Variants in TAF8 observed in about 807,000 individuals in gnomAD.
The protein encoded by TAF8 is TATA-box binding protein associated factor 8.
In TAF8, 47 loss-of-function variants were observed where a neutral mutation model predicts 36.5. That is an observed-to-expected ratio of 1.29 (90% CI 1.02 to 1.64). The LOEUF is 1.64. TAF8 is among the 40% of genes most tolerant of loss of function. The pLI is 0.00. For synonymous variants in TAF8, 175 were observed against 159.5 expected, an observed-to-expected ratio of 1.10 and a Z score of -0.73; for missense variants, 420 against 407.6, an observed-to-expected ratio of 1.03 and a Z score of -0.26.
intron 1 of TAF8, chr6:42,050,902 T>C: frequency 2.6e-6 from 3 of 1,172,960 alleles, no homozygotes; most frequent in South Asian, 3.4e-5. Context: ...TCAAAATATT[T>C]AGCTTTCTTA....
intron 7 of TAF8, among the ~76,000 whole-genome samples, chr6:42,076,585 G>A (rs183094621): frequency 6.6e-6 from 1 of 152,338 alleles, no homozygotes; most frequent in East Asian, 1.9e-4. Context: ...CCTGTGCTGG[G>A]ATGTGATTGT....
chr6:42,066,185 G>A, intron 5 of TAF8, 127 bp from the exon 6 acceptor site: 1 of 1,171,134 alleles, frequency 8.5e-7, no homozygotes, highest in Non-Finnish European at 1.2e-6. Context: ...ACAGGTGTGA[G>A]CCACTGTGCC....
At chr6:42,060,887 A>G (rs1345859200) in intron 5 of TAF8, among the ~76,000 whole-genome samples, 1 of 152,252 alleles carries the variant, frequency 6.6e-6, no homozygotes, top group Non-Finnish European at 1.5e-5. Flanking sequence ...GTAGAGAGGA[A>G]CAATATGCTG....
intron 7 of TAF8, among the ~76,000 whole-genome samples, chr6:42,070,840 G>T (rs1340574237): frequency 6.6e-6 from 1 of 152,160 alleles, no homozygotes; most frequent in African/African-American, 2.4e-5. Flanking sequence ...TAGACGAGAG[G>T]GGATGGGCCC....
chr6:42,059,239 C>T (rs1209221010), intron 5 of TAF8, among the ~76,000 whole-genome samples: 3 of 151,990 alleles, frequency 2.0e-5, no homozygotes, highest in Non-Finnish European at 2.9e-5. Context: ...AAAAATCAGC[C>T]GGGCATGGTG....
In TAF8 at chr6:42,055,563, T is replaced by TAA. The variant is rs1764950547; in HGVS notation, c.236_237insAA (p.Tyr79Ter). Residue 79 changes from tyrosine (Y) to a stop codon, truncating the protein, a stop_gained and frameshift_variant, in exon 3 of 9, where the codon TAC (tyrosine) becomes TAAAC (stop). Coordinates refer to ENST00000372977, the MANE Select transcript of TAF8 (RefSeq NM_138572.3). LOFTEE classifies it high-confidence loss of function. ...AGAAATTGGGAGAAGTGCCAAGTCT[T>TAA]ACTGTGAGCACACAGCCAGGACCCA... ...ISEIGRSAKS[Y>*]CEHTARTQPT... 6.2e-7 allele frequency: 1 copy of TAA among 1,614,094 alleles called. No individual in the cohort carries two copies.
intron 7 of TAF8, among the ~76,000 whole-genome samples, chr6:42,070,703 A>T (rs1765535422): frequency 6.6e-6 from 1 of 152,084 alleles, no homozygotes; most frequent in Non-Finnish European, 1.5e-5. Flanking sequence ...GAATTAAGAG[A>T]GGTGTTTCGT....
At chr6:42,076,092 C>T (rs1291133805) in intron 7 of TAF8, among the ~76,000 whole-genome samples, 1 of 151,974 alleles carries the variant, frequency 6.6e-6, no homozygotes, top group African/African-American at 2.4e-5. Flanking sequence ...CCTGTACTCC[C>T]AGCTACTTGG....
In TAF8 at chr6:42,081,126, A is replaced by G. The variant is rs1359219500; in HGVS notation, c.*3581A>G. 4.4e-6 allele frequency: 1 copy of G among 224,902 alleles called. No homozygotes were observed. The highest frequency in any genetic ancestry group is 7.4e-6 in the Non-Finnish European group (1 of 134,998). The allele number at this position is 224,902 out of a possible 1,614,324, so 13.9% of individuals were successfully genotyped here. A position where few individuals can be genotyped will look rare whatever the true frequency, so the allele number is the denominator to read the frequency against. ...GTCAGTAGCTTGTTGATTCTGTTTC[A>G]TCTGTTTCTCCCACTTTTTGTCCTT... On this transcript the variant is annotated 3_prime_UTR_variant, in exon 9 of 9. Coordinates refer to ENST00000372977, the MANE Select transcript of TAF8 (RefSeq NM_138572.3).
At chr6:42,066,164 G>C (rs2127457933) in intron 5 of TAF8, 148 bp from the exon 6 acceptor site, 1 of 941,208 alleles carries the variant, frequency 1.1e-6, no homozygotes, top group East Asian at 2.8e-5. Flanking sequence ...GCCTCCCAAA[G>C]TGCTGGGATT....
intron 5 of TAF8, among the ~76,000 whole-genome samples, chr6:42,060,810 T>C (rs976279500): frequency 5.9e-5 from 9 of 152,370 alleles, no homozygotes; most frequent in African/African-American, 1.9e-4. Context: ...ATTGCACTTA[T>C]GCAATTAGCT....
Position 42,080,289 on chromosome 6 carries a change from G to A in TAF8, c.*2744G>A. On this transcript the variant is annotated 3_prime_UTR_variant, in exon 9 of 9. Coordinates refer to ENST00000372977, the MANE Select transcript of TAF8 (RefSeq NM_138572.3). ...GTGTAAGCACCTGTTGAATGCAGAT[G>A]TGCTGAGTTAGAGGTGGGATTTGGA... 1 of 986,588 alleles carries A rather than the reference G, an allele frequency of 1.0e-6. No individual in the cohort carries two copies. The highest frequency in any genetic ancestry group is 1.2e-6 in the Non-Finnish European group (1 of 830,738). The allele number at this position is 986,588 out of a possible 1,614,324, so 61.1% of individuals were successfully genotyped here.
At chr6:42,075,952 G>A (rs1433436626) in intron 7 of TAF8, among the ~76,000 whole-genome samples, 1 of 152,220 alleles carries the variant, frequency 6.6e-6, no homozygotes, top group Admixed American at 6.5e-5. Flanking sequence ...GCTCACGCCT[G>A]TAATCCCAGC....
At position 42,051,448 on chromosome 6, in the gene TAF8, CAG is replaced by C. The variant is rs1764782569; in HGVS notation, c.140_141del (p.Glu47GlyfsTer4). The C allele has an allele frequency of 6.2e-7, 1 of 1,614,114 alleles. No homozygotes were observed. The highest frequency in any genetic ancestry group is 8.5e-7 in the Non-Finnish European group (1 of 1,180,016). On this transcript the variant is annotated frameshift_variant, in exon 2 of 9. Transcript: ENST00000372977. LOFTEE classifies it high-confidence loss of function. ...CAGGTGGTTGTGAGCTCCTTGCTGA[CAG>C]AGGCAGGGTTTGAGAGTGCCGAGAA...
At chr6:42,066,237 C>A in intron 5 of TAF8, 75 bp from the exon 6 acceptor site, 1 of 1,576,958 alleles carries the variant, frequency 6.3e-7, no homozygotes. Flanking sequence ...GGCATAGCAA[C>A]AGCAAGCCAG....
In TAF8 at chr6:42,072,762, A is replaced by G. The variant is rs571352081; in HGVS notation, c.780+4155A>G. Among the ~76,000 whole-genome samples the G allele has an allele frequency of 8.8e-4, 133 of 151,524 alleles. 1 individual carries two copies. The highest frequency in any genetic ancestry group is 3.0e-3 in the African/African-American group (126 of 41,314). On this transcript the variant is annotated intron_variant, in intron 7 of 8. Transcript: ENST00000372977. The stretch of plus-strand genomic sequence containing the variant: ...TTTTGAGACCGAGTCTCGCTCTGTC[A>G]CCCAGGCTGCAGTGCAGTGGCGTGA...
chr6:42,065,943 C>T (rs954775936), intron 5 of TAF8, among the ~76,000 whole-genome samples: 1 of 152,188 alleles, frequency 6.6e-6, no homozygotes, highest in African/African-American at 2.4e-5. Flanking sequence ...TCCTGCTGCA[C>T]AGGCTGGAGT....
At chr6:42,051,545 C>A in intron 2 of TAF8, 32 bp downstream of exon 2, 1 of 1,606,914 alleles carries the variant, frequency 6.2e-7, no homozygotes, top group South Asian at 1.1e-5. Context: ...GCCTTGGAGT[C>A]AACCCCAACA....
intron 6 of TAF8, among the ~76,000 whole-genome samples, chr6:42,068,009 C>T (rs1405068141): frequency 6.6e-6 from 1 of 152,236 alleles, no homozygotes; most frequent in Non-Finnish European, 1.5e-5. Flanking sequence ...AGCCTTTGGA[C>T]TTGAGTCCTT....
Sources: gnomAD v4.1 joint callset for allele counts (sites outside exome capture counted in the v4.1 genomes callset) on GRCh38, gnomAD v4.1.1 for gene constraint, MANE v1.5 for transcripts, NCBI Gene and HGNC (gene_info 2026-07-23, HGNC 2026-07-21) for gene names.